Variants in SIGLECL1 observed in about 807,000 individuals in gnomAD.
SIGLECL1 encodes the protein SIGLEC family like 1.
SIGLECL1 carries 16 observed loss-of-function variants against 19.1 expected under a neutral mutation model. The ratio of observed to expected loss-of-function variants is 0.84; its 90% CI spans 0.57 to 1.27. The LOEUF (loss-of-function observed/expected upper bound fraction) is 1.27, where lower values mean the gene tolerates loss of function less well. SIGLECL1 is among the 50% of genes most tolerant of loss of function. SIGLECL1 has a pLI of 0.00. For missense variants in SIGLECL1, 210 were observed against 239.4 expected (o/e 0.88, Z 0.81); for synonymous variants, 89 against 90.4 (o/e 0.98, Z 0.09).
upstream of SIGLECL1, among the ~76,000 whole-genome samples, chr19:51,249,043 C>G (rs538765555): frequency 6.6e-6 from 1 of 152,176 alleles, no homozygotes; most frequent in South Asian, 2.1e-4. Flanking sequence ...AAATAGGTAA[C>G]TTACTGAAAC....
At chr19:51,264,867 G>A (rs184784576) in intron 2 of SIGLECL1, among the ~76,000 whole-genome samples, 3 of 152,208 alleles carry the variant, frequency 2.0e-5, no homozygotes, top group African/African-American at 7.2e-5. Context: ...TACGCACTGA[G>A]CTGGGTGCAC....
Position 51,267,534 on chromosome 19 carries a change from G to A in SIGLECL1, c.567+5G>A. 1.2e-6 allele frequency: 2 copies of A among 1,613,758 alleles called. No individual in the cohort carries two copies. Among genetic ancestry groups the A allele is most frequent in the Non-Finnish European group, 1.7e-6 (2 of 1,179,880 alleles). On this transcript the variant is annotated splice_donor_5th_base_variant and intron_variant, in intron 5 of 5. Coordinates refer to ENST00000601727, the MANE Select transcript of SIGLECL1 (RefSeq NM_001385465.1). The stretch of plus-strand genomic sequence containing the variant: ...TTTTCTGAGAGCCGGATATTGGTAT[G>A]TACCTATTGTGTCTGGAATCTAGTC...
In SIGLECL1 at chr19:51,267,403, G is replaced by T; in HGVS notation, c.441G>T (p.Lys147Asn). The change falls in exon 5 of 6, where the codon AAG becomes AAT. Residue 147 changes from lysine (K) to asparagine (N), a missense_variant. Lys to Asn is a moderately conservative substitution (Grantham distance 94, BLOSUM62 0). Transcript: ENST00000601727. ...IVKHIRKKQA[K>N]KAAAIRAKKS... is the part of the protein sequence containing the mutation. Reference sequence around the variant, plus strand: ...AACATATCAGAAAGAAGCAGGCGAAGAAAGCTGCAGCGATCAGAGCAAAAA... The same window carrying T: ...AACATATCAGAAAGAAGCAGGCGAATAAAGCTGCAGCGATCAGAGCAAAAA... The T allele has an allele frequency of 6.2e-7, 1 of 1,613,682 alleles. No individual in the cohort carries two copies. The highest frequency in any genetic ancestry group is 8.5e-7 in the Non-Finnish European group (1 of 1,180,018).
Position 51,265,817 on chromosome 19 carries a change from GATCCAGGGTGCT to G in SIGLECL1, c.349_360del (p.Gln117_Ile120del). The stretch of plus-strand genomic sequence containing the variant: ...CTGCCCAGGCCTTCGTGAAAGGGCT[GATCCAGGGTGCT>G]ATCTATGCGGGAATTGTAATTGCGC... On this transcript the variant is annotated inframe_deletion, in exon 4 of 6. Transcript: ENST00000601727. 6.2e-7 allele frequency: 1 copy of G among 1,614,194 alleles called. No individual in the cohort carries two copies. Among genetic ancestry groups the G allele is most frequent in the Admixed American group, 1.7e-5 (1 of 60,024 alleles).
chr19:51,256,072 T>C (rs1429719549), intron 1 of SIGLECL1: 2 of 150,888 alleles, frequency 1.3e-5, no homozygotes, highest in East Asian at 4.0e-4. Context: ...AAATATTATA[T>C]ATGTATACAC....
chr19:51,264,211 A>C, intron 2 of SIGLECL1, 117 bp downstream of exon 2: 1 of 1,154,836 alleles, frequency 8.7e-7, no homozygotes, highest in South Asian at 1.4e-5. Context: ...ACATATGGGC[A>C]TAAGTACCAA....
intron 1 of SIGLECL1, among the ~76,000 whole-genome samples, chr19:51,252,715 A>G (rs1348493434): frequency 6.6e-6 from 1 of 152,162 alleles, no homozygotes; most frequent in African/African-American, 2.4e-5. Context: ...ATCAGTCTGG[A>G]GGCTAAGGGT....
chr19:51,265,370 C>T lies in SIGLECL1; in HGVS notation c.25C>T (p.Pro9Ser), dbSNP rs2123447852. The stretch of plus-strand genomic sequence containing the variant: ...CTCCTGACCCTTCCTCCCCACAGTA[C>T]CTGCTAAGCTGCTCAACTCCTCTTG... MLPLLQLV[P>S]AKLLNSSCSL... The change falls in exon 3 of 6, where the codon CCT becomes TCT. Residue 9 changes from proline to serine, a missense_variant and splice_region_variant. By Grantham distance (74) the Pro-to-Ser change is moderately conservative. Transcript: ENST00000601727. 6.2e-7 allele frequency: 1 copy of T among 1,602,554 alleles called. No individual in the cohort carries two copies. The highest frequency in any genetic ancestry group is 1.7e-5 in the Admixed American group (1 of 59,806).
chr19:51,253,701 A>G (rs1479357921), intron 1 of SIGLECL1, among the ~76,000 whole-genome samples: 1 of 152,232 alleles, frequency 6.6e-6, no homozygotes, highest in Admixed American at 6.5e-5. Context: ...GTGAATTTGG[A>G]GAGGAGAATG....
At chr19:51,257,918 A>T (rs1468432897) in intron 1 of SIGLECL1, 1 of 152,212 alleles carries the variant, frequency 6.6e-6, no homozygotes, top group East Asian at 1.9e-4. Context: ...TCTTTAGTTG[A>T]CAGTACTATG....
chr19:51,254,700 A>C (rs1599790219), intron 1 of SIGLECL1, among the ~76,000 whole-genome samples: 1 of 152,120 alleles, frequency 6.6e-6, no homozygotes. Context: ...GAGGTGATGA[A>C]AGTGCTCTGG....
intron 1 of SIGLECL1, among the ~76,000 whole-genome samples, chr19:51,259,689 G>C (rs923556023): frequency 6.6e-6 from 1 of 152,156 alleles, no homozygotes; most frequent in African/African-American, 2.4e-5. Flanking sequence ...TGTCATGTTG[G>C]AAAAACACTG....
chr19:51,257,048 A>G (rs1362603079), intron 1 of SIGLECL1, among the ~76,000 whole-genome samples: 19 of 152,198 alleles, frequency 1.2e-4, no homozygotes. Flanking sequence ...AGATTGTGAA[A>G]TATTTCAGAC....
At chr19:51,249,866 C>T (rs2123365437), upstream of SIGLECL1, among the ~76,000 whole-genome samples, 1 of 152,188 alleles carries the variant, frequency 6.6e-6, no homozygotes, top group South Asian at 2.1e-4. Context: ...AGAGCAGCCC[C>T]GAGGGCTGCT....
intron 4 of SIGLECL1, among the ~76,000 whole-genome samples, chr19:51,266,356 C>G (rs1002998881): frequency 6.6e-6 from 1 of 152,042 alleles, no homozygotes; most frequent in African/African-American, 2.4e-5. Flanking sequence ...TCAATGCACA[C>G]AAACTTTATT....
upstream of SIGLECL1, among the ~76,000 whole-genome samples, chr19:51,247,244 G>C (rs541113228): frequency 6.6e-6 from 1 of 152,222 alleles, no homozygotes; most frequent in Non-Finnish European, 1.5e-5. Context: ...CCCTAGTCCA[G>C]TTTTGACAAC....
chr19:51,252,296 C>CAAA (rs71979736), intron 1 of SIGLECL1, among the ~76,000 whole-genome samples: 2 of 109,906 alleles, frequency 1.8e-5, no homozygotes, highest in African/African-American at 6.4e-5. Context: ...GACTCTGTCT[C>CAAA]AAAAAAAAAA....
Position 51,252,876 on chromosome 19 carries a change from G to A in SIGLECL1, c.-191+1331G>A, listed in dbSNP as rs549450100. Among the ~76,000 whole-genome samples the A allele has an allele frequency of 5.3e-5, 8 of 152,194 alleles. No homozygotes were observed. The South Asian group carries it at 1.7e-3, about 32-fold the overall frequency. ...GTGTTGGTTCACGGCTGCAATCCCA[G>A]CACTTTGGGAGGCTGAGGTGAGAAG... On this transcript the variant is annotated intron_variant, in intron 1 of 5. Transcript: ENST00000601727.
At position 51,265,589 on chromosome 19, in the gene SIGLECL1, C is replaced by T. The variant is rs771863729; in HGVS notation, c.244C>T (p.Leu82Phe). The change falls in exon 3 of 6, where the codon CTT becomes TTT. Residue 82 changes from leucine to phenylalanine, a missense_variant. Leu to Phe is a conservative substitution (Grantham distance 22). Transcript: ENST00000601727. ...LTEEPEMGMRLLCEGKNQNGT... is the reference protein window; with the variant it reads ...LTEEPEMGMRFLCEGKNQNGT... ...TGAAGAGCCAGAAATGGGCATGAGA[C>T]TTCTCTGTGAGGGGAAGAACCAAAA... 6.2e-7 allele frequency: 1 copy of T among 1,614,204 alleles called. No homozygotes were observed. Among genetic ancestry groups the T allele is most frequent in the Non-Finnish European group, 8.5e-7 (1 of 1,180,038 alleles).
Sources: gnomAD v4.1 joint callset for allele counts (sites outside exome capture counted in the v4.1 genomes callset) on GRCh38, gnomAD v4.1.1 for gene constraint, MANE v1.5 for transcripts, NCBI Gene and HGNC (gene_info 2026-07-23, HGNC 2026-07-21) for gene names.